Variants in NEGR1 observed in about 807,000 individuals in gnomAD.
The protein encoded by NEGR1 is IgLON family member 4.
A neutral mutation model predicts 40.9 loss-of-function variants in NEGR1; 10 were observed. The ratio of observed to expected loss-of-function variants is 0.24; its 90% CI spans 0.15 to 0.42. The LOEUF is 0.42. NEGR1 is among the 10% of genes least tolerant of loss of function. The pLI, the probability that NEGR1 is intolerant of heterozygous loss-of-function variation, is 1.00. For missense variants in NEGR1, 352 were observed against 438.9 expected (o/e 0.80, Z 1.77); for synonymous variants, 185 against 166.8 (o/e 1.11, Z -0.84).
At chr1:72,083,410 G>A (rs745512573) in intron 1 of NEGR1, among the ~76,000 whole-genome samples, 2 of 151,860 alleles carry the variant, frequency 1.3e-5, no homozygotes, top group Non-Finnish European at 2.9e-5. Context: ...TGCAGTGGCT[G>A]TTCACAGGTG....
At chr1:71,869,961 C>A (rs997807007) in intron 2 of NEGR1, among the ~76,000 whole-genome samples, 6 of 151,200 alleles carry the variant, frequency 4.0e-5, no homozygotes, top group Admixed American at 2.0e-4. Flanking sequence ...CTCACTGCAA[C>A]CTCCACCTCC....
intron 4 of NEGR1, among the ~76,000 whole-genome samples, chr1:71,636,530 A>G (rs1456809985): frequency 1.3e-5 from 2 of 152,078 alleles, no homozygotes; most frequent in Non-Finnish European, 2.9e-5. Context: ...TTGACAGGAA[A>G]TAGCACCGAA....
chr1:72,166,261 T>C (rs1251755547), intron 1 of NEGR1, among the ~76,000 whole-genome samples: 1 of 151,960 alleles, frequency 6.6e-6, no homozygotes, highest in Non-Finnish European at 1.5e-5. Flanking sequence ...TCAAAATAGC[T>C]ATTATCAAAA....
At chr1:72,182,377 C>A (rs537568872) in intron 1 of NEGR1, among the ~76,000 whole-genome samples, 1 of 152,002 alleles carries the variant, frequency 6.6e-6, no homozygotes, top group African/African-American at 2.4e-5. Flanking sequence ...GCCTGTTAGT[C>A]AGTTACTTGG....
intron 2 of NEGR1, among the ~76,000 whole-genome samples, chr1:71,806,342 C>T (rs553501142): frequency 6.6e-6 from 1 of 152,034 alleles, no homozygotes; most frequent in East Asian, 1.9e-4. Context: ...GTTGGAATCC[C>T]TATGATTTAG....
At chr1:71,409,619 T>G (rs1233880377) in intron 6 of NEGR1, among the ~76,000 whole-genome samples, 1 of 152,064 alleles carries the variant, frequency 6.6e-6, no homozygotes, top group Admixed American at 6.6e-5. Flanking sequence ...ATATGTTATG[T>G]AACTATCACA....
intron 1 of NEGR1, among the ~76,000 whole-genome samples, chr1:72,228,266 G>A (rs1378559208): frequency 1.3e-5 from 2 of 152,168 alleles, no homozygotes; most frequent in African/African-American, 4.8e-5. Flanking sequence ...ACATGGGTGG[G>A]CATCAGCCCA....
chr1:71,397,750 G>A lies in NEGR1; in HGVS notation c.*9696C>T, dbSNP rs900548768. ...AAGCTGGCTGCAGAAAATTGCATAA[G>A]TAATGAGGAGCTGAATGTCACCAAG... On this transcript the variant is annotated 3_prime_UTR_variant, in exon 7 of 7. Transcript: ENST00000357731. 34 of 152,226 alleles carry A rather than the reference G, an allele frequency of 2.2e-4. No individual in the cohort carries two copies. Among genetic ancestry groups the A allele is most frequent in the Admixed American group, 2.0e-3 (31 of 15,280 alleles). 9.4% of individuals were successfully genotyped at this position (152,226 alleles called of 1,614,324 possible). A position where few individuals can be genotyped will look rare whatever the true frequency, so the allele number is the denominator to read the frequency against.
At chr1:72,252,861 C>T (rs955725573) in intron 1 of NEGR1, among the ~76,000 whole-genome samples, 3 of 152,016 alleles carry the variant, frequency 2.0e-5, no homozygotes, top group Non-Finnish European at 2.9e-5. Context: ...CTGTTCACAC[C>T]TCTGAACAGG....
intron 1 of NEGR1, among the ~76,000 whole-genome samples, chr1:71,978,507 A>G (rs1646326026): frequency 6.6e-6 from 1 of 152,056 alleles, no homozygotes; most frequent in African/African-American, 2.4e-5. Flanking sequence ...CAACTACCAA[A>G]CTCAATTCAA....
At chr1:72,124,182 G>C (rs1649917918) in intron 1 of NEGR1, among the ~76,000 whole-genome samples, 1 of 151,948 alleles carries the variant, frequency 6.6e-6, no homozygotes, top group Admixed American at 6.6e-5. Flanking sequence ...GTATTTCCAA[G>C]CCATCACCAA....
intron 4 of NEGR1, among the ~76,000 whole-genome samples, chr1:71,685,903 G>A (rs1036434610): frequency 1.3e-5 from 2 of 152,076 alleles, no homozygotes; most frequent in Non-Finnish European, 2.9e-5. Context: ...TTGGCATCGC[G>A]ACGGAGCTTA....
intron 6 of NEGR1, among the ~76,000 whole-genome samples, chr1:71,474,717 C>CA (rs56219737): frequency 0.17 from 14,907 of 85,812 alleles, 1,294 homozygotes; most frequent in East Asian, 0.48. Flanking sequence ...GACTCTATCT[C>CA]AAAAAAAAAA....
chr1:71,743,491 T>C (rs574069856), intron 3 of NEGR1, among the ~76,000 whole-genome samples: 432 of 152,258 alleles, frequency 2.8e-3, no homozygotes, highest in Middle Eastern at 6.8e-3. Context: ...TAATAAAGAA[T>C]TTTAATTTTA....
chr1:71,724,732 T>G (rs1416846716), intron 3 of NEGR1, among the ~76,000 whole-genome samples: 1 of 152,180 alleles, frequency 6.6e-6, no homozygotes, highest in Non-Finnish European at 1.5e-5. Flanking sequence ...GGCACAGTTA[T>G]GTTTACATCT....
chr1:71,644,452 T>C (rs1351879597), intron 4 of NEGR1, among the ~76,000 whole-genome samples: 1 of 151,942 alleles, frequency 6.6e-6, no homozygotes, highest in Non-Finnish European at 1.5e-5. Flanking sequence ...TACCTTGTCT[T>C]CTTTTCTATT....
chr1:72,028,338 TTATACTTA>T (rs1332327446), intron 1 of NEGR1, among the ~76,000 whole-genome samples: 1 of 152,210 alleles, frequency 6.6e-6, no homozygotes. Flanking sequence ...AAAGTATGAA[TTATACTTA>T]TACTCTACTG....
At chr1:71,742,958 C>T (rs781414937) in intron 3 of NEGR1, among the ~76,000 whole-genome samples, 1 of 152,054 alleles carries the variant, frequency 6.6e-6, no homozygotes, top group Non-Finnish European at 1.5e-5. Context: ...GGTGGCACTC[C>T]CATGACAGAA....
intron 6 of NEGR1, among the ~76,000 whole-genome samples, chr1:71,459,344 G>C (rs1449839265): frequency 6.6e-6 from 1 of 152,178 alleles, no homozygotes; most frequent in East Asian, 1.9e-4. Flanking sequence ...TCTGAGATGA[G>C]AGTGATCTCA....
Sources: allele counts gnomAD v4.1 joint callset (sites outside exome capture counted in the v4.1 genomes callset), GRCh38; gene constraint gnomAD v4.1.1; transcripts MANE v1.5; gene names NCBI Gene and HGNC (gene_info 2026-07-23, HGNC 2026-07-21).